ARHGAP15: variants seen among roughly 807,000 people sequenced by gnomAD.
ARHGAP15 encodes rho GTPase-activating protein 15.
Under a neutral mutation model 63.7 loss-of-function variants are expected in ARHGAP15, and 51 were observed. The ratio of observed to expected loss-of-function variants is 0.80; its 90% CI spans 0.64 to 1.01. ARHGAP15 has a LOEUF of 1.01. Among genes scored for constraint, ARHGAP15 ranks in the 50% least tolerant of loss-of-function variants. ARHGAP15 has a pLI of 0.00. For missense variants in ARHGAP15, 560 were observed against 564.6 expected, an observed-to-expected ratio of 0.99 and a Z score of 0.08; for synonymous variants, 191 against 193.8, an observed-to-expected ratio of 0.99 and a Z score of 0.12.
chr2:143,435,429 T>C (rs1307623464), intron 6 of ARHGAP15, 172 bp from the exon 7 acceptor site: 11 of 1,231,682 alleles, frequency 8.9e-6, no homozygotes, highest in South Asian at 2.0e-5. Context: ...AAACAGTTTA[T>C]AGAGAGCGGT....
At chr2:143,528,407 C>G (rs1296743354) in intron 10 of ARHGAP15, among the ~76,000 whole-genome samples, 1 of 151,882 alleles carries the variant, frequency 6.6e-6, no homozygotes, top group Non-Finnish European at 1.5e-5. Context: ...ATGTACCTCT[C>G]AGGAAATTTT....
At chr2:143,738,741 A>G (rs888918509) in intron 13 of ARHGAP15, among the ~76,000 whole-genome samples, 1 of 152,200 alleles carries the variant, frequency 6.6e-6, no homozygotes, top group Non-Finnish European at 1.5e-5. Flanking sequence ...AAAATCCGCA[A>G]ATCACATGCT....
intron 6 of ARHGAP15, among the ~76,000 whole-genome samples, chr2:143,262,541 T>TTTTTTTTTTA (rs1680777525): frequency 6.8e-6 from 1 of 146,048 alleles, no homozygotes. Flanking sequence ...TTTGATTTTT[T>TTTTTTTTTTA]TTTTTTTTTT....
In ARHGAP15 at chr2:143,624,210, G is replaced by C. The variant is rs1698750609; in HGVS notation, c.1081G>C (p.Glu361Gln). 1 of 1,613,252 alleles carries C rather than the reference G, an allele frequency of 6.2e-7. No homozygotes were observed. Among genetic ancestry groups the C allele is most frequent in the Non-Finnish European group, 8.5e-7 (1 of 1,179,654 alleles). ...VTGALKMFFR[E>Q]LPEPLFPYSF... is the part of the protein sequence containing the mutation. ...CGGAGCACTGAAGATGTTTTTCCGG[G>C]AGCTGCCTGAGCCGCTCTTCCCTTA... Residue 361 changes from glutamate to glutamine, a missense_variant, in exon 12 of 14, where the codon GAG becomes CAG. By Grantham distance (29) the Glu-to-Gln change is conservative. Transcript: ENST00000295095.
At chr2:143,597,929 G>C (rs1441779110) in intron 11 of ARHGAP15, 1 of 152,076 alleles carries the variant, frequency 6.6e-6, no homozygotes, top group Non-Finnish European at 1.5e-5. Context: ...CTCTTGCCAT[G>C]TACTCACCTG....
Position 143,483,156 on chromosome 2 carries a change from C to T in ARHGAP15, c.704-4217C>T, listed in dbSNP as rs1186761732. ...CTTTGAAAAACCAATGCACCTTACA[C>T]GCATTTCTCACATGTGGAGCCAGAT... On this transcript the variant is annotated intron_variant, in intron 8 of 13. Coordinates refer to ENST00000295095, the MANE Select transcript of ARHGAP15 (RefSeq NM_018460.4). Among the ~76,000 whole-genome samples, 10 of 152,206 alleles carry T rather than the reference C, an allele frequency of 6.6e-5. No individual in the cohort carries two copies. The South Asian group carries it at 8.3e-4, about 13-fold the overall frequency.
intron 6 of ARHGAP15, among the ~76,000 whole-genome samples, chr2:143,388,517 A>G (rs1687398093): frequency 6.6e-6 from 1 of 152,212 alleles, no homozygotes; most frequent in Non-Finnish European, 1.5e-5. Flanking sequence ...GCCTTCAGAC[A>G]AAGAAAGGCT....
intron 11 of ARHGAP15, among the ~76,000 whole-genome samples, chr2:143,620,474 G>A (rs1393657565): frequency 3.3e-5 from 5 of 152,200 alleles, no homozygotes; most frequent in East Asian, 1.9e-4. Flanking sequence ...ATAGCCTCGA[G>A]TTAGACATTT....
chr2:143,288,220 A>T (rs1376007186), intron 6 of ARHGAP15, among the ~76,000 whole-genome samples: 1 of 152,172 alleles, frequency 6.6e-6, no homozygotes, highest in East Asian at 1.9e-4. Flanking sequence ...AGTGTCACTC[A>T]TATGTATGCA....
At chr2:143,249,376 A>T (rs558004094) in intron 5 of ARHGAP15, among the ~76,000 whole-genome samples, 40 of 152,256 alleles carry the variant, frequency 2.6e-4, no homozygotes, top group African/African-American at 9.6e-4. Context: ...ATAGAATTGG[A>T]TATAATGGCT....
At chr2:143,281,984 T>G (rs1226794349) in intron 6 of ARHGAP15, among the ~76,000 whole-genome samples, 1 of 152,148 alleles carries the variant, frequency 6.6e-6, no homozygotes, top group African/African-American at 2.4e-5. Flanking sequence ...TAGATGGAAT[T>G]GAATAAAGTT....
At chr2:143,290,491 C>A (rs115504860) in intron 6 of ARHGAP15, among the ~76,000 whole-genome samples, 1 of 151,764 alleles carries the variant, frequency 6.6e-6, no homozygotes, top group East Asian at 1.9e-4. Context: ...GAATGTGGAG[C>A]AATATTGCCA....
intron 6 of ARHGAP15, among the ~76,000 whole-genome samples, chr2:143,352,268 C>T (rs1381433068): frequency 6.6e-6 from 1 of 152,108 alleles, no homozygotes. Context: ...TCTTTATGTA[C>T]TACTGCCATC....
In ARHGAP15 at chr2:143,310,618, T is replaced by A. The variant is rs560066656; in HGVS notation, c.474+60018T>A. Among the ~76,000 whole-genome samples the A allele has an allele frequency of 2.0e-5, 3 of 152,170 alleles. No homozygotes were observed. The South Asian group carries it at 6.2e-4, about 31-fold the overall frequency. On this transcript the variant is annotated intron_variant, in intron 6 of 13. Transcript: ENST00000295095. ...TTTTTGCAAAAGCTATGCATCTGAG[T>A]ATATTGTAATATGCATAAAGCTCTG...
At chr2:143,268,169 A>G (rs1419319053) in intron 6 of ARHGAP15, among the ~76,000 whole-genome samples, 2 of 150,672 alleles carry the variant, frequency 1.3e-5, no homozygotes, top group Non-Finnish European at 3.0e-5. Context: ...AATTTTATAG[A>G]GTGTAGTTTT....
intron 9 of ARHGAP15, among the ~76,000 whole-genome samples, chr2:143,494,675 T>C (rs1443435756): frequency 6.6e-6 from 1 of 152,218 alleles, no homozygotes; most frequent in Admixed American, 6.5e-5. Context: ...AAATGTCTGA[T>C]GGGCAATAGT....
intron 6 of ARHGAP15, among the ~76,000 whole-genome samples, chr2:143,398,713 C>CTTTAGA (rs753415138): frequency 6.6e-6 from 1 of 151,934 alleles, no homozygotes; most frequent in South Asian, 2.1e-4. Context: ...TGCACTTTCA[C>CTTTAGA]TTTAGATTTA....
At chr2:143,482,994 G>C (rs188150907) in intron 8 of ARHGAP15, among the ~76,000 whole-genome samples, 1 of 152,280 alleles carries the variant, frequency 6.6e-6, no homozygotes, top group African/African-American at 2.4e-5. Flanking sequence ...TCTGTCTCCA[G>C]GAAAGTAATC....
chr2:143,268,350 A>T (rs1209081143), intron 6 of ARHGAP15, among the ~76,000 whole-genome samples: 1 of 152,148 alleles, frequency 6.6e-6, no homozygotes, highest in Non-Finnish European at 1.5e-5. Context: ...TGGCACTTGA[A>T]AAATTTACAC....
Sources: gnomAD v4.1 joint callset for allele counts (sites outside exome capture counted in the v4.1 genomes callset) on GRCh38, gnomAD v4.1.1 for gene constraint, MANE v1.5 for transcripts, NCBI Gene and HGNC (gene_info 2026-07-23, HGNC 2026-07-21) for gene names.